ABCA8: variants seen among roughly 807,000 people sequenced by gnomAD.
ABCA8 encodes ATP binding cassette subfamily A member 8, also known as ABC-type organic anion transporter ABCA8.
ABCA8 carries 177 observed loss-of-function variants against 192.3 expected under a neutral mutation model. That is an observed-to-expected ratio of 0.92 (90% CI 0.81 to 1.04). The LOEUF is 1.04. Among genes scored for constraint, ABCA8 ranks in the 50% least tolerant of loss-of-function variants. ABCA8 has a pLI of 0.00. For synonymous variants in ABCA8, 642 were observed against 690.2 expected, an observed-to-expected ratio of 0.93 and a Z score of 1.09; for missense variants, 1,915 against 1,904.8, an observed-to-expected ratio of 1.01 and a Z score of -0.10.
chr17:68,927,263 GAAA>G (rs200891971), intron 10 of ABCA8, among the ~76,000 whole-genome samples: 2 of 150,480 alleles, frequency 1.3e-5, no homozygotes, highest in African/African-American at 2.4e-5. Context: ...GTCTCAAAAA[GAAA>G]AAAAAAGAAA....
chr17:68,948,212 T>G (rs1043984069), intron 2 of ABCA8, among the ~76,000 whole-genome samples: 1 of 152,182 alleles, frequency 6.6e-6, no homozygotes, highest in Non-Finnish European at 1.5e-5. Flanking sequence ...ACATTATGTG[T>G]GCAAGTGTCT....
At chr17:68,929,786 A>G (rs1445908965) in intron 7 of ABCA8, 84 bp from the exon 8 acceptor site, 4 of 1,160,394 alleles carry the variant, frequency 3.4e-6, no homozygotes, top group Non-Finnish European at 4.7e-6. Flanking sequence ...ATAACTCTTC[A>G]TTCACTTATT....
At chr17:68,898,186 C>A (rs549103459) in intron 21 of ABCA8, among the ~76,000 whole-genome samples, 2 of 152,024 alleles carry the variant, frequency 1.3e-5, no homozygotes, top group Admixed American at 1.3e-4. Context: ...ATTCAAAGTA[C>A]TGAAAAAAAT....
chr17:68,906,315 T>G (rs1380421905), intron 18 of ABCA8, 152 bp from the exon 19 acceptor site: 4 of 470,574 alleles, frequency 8.5e-6, no homozygotes, highest in Non-Finnish European at 1.4e-5. Context: ...ATCATCTTAT[T>G]CTGCAAATTC....
chr17:68,919,159 G>A, intron 14 of ABCA8, 142 bp downstream of exon 14: 2 of 722,334 alleles, frequency 2.8e-6, no homozygotes, highest in African/African-American at 1.8e-5. Flanking sequence ...TATATGCAAT[G>A]TTAGCTATTG....
intron 11 of ABCA8, among the ~76,000 whole-genome samples, chr17:68,923,752 T>A (rs1463510748): frequency 6.6e-6 from 1 of 152,160 alleles, no homozygotes. Flanking sequence ...CCTTAGAAGT[T>A]CAGCAACCTG....
At chr17:68,869,938 G>A (rs1377126765) in intron 37 of ABCA8, among the ~76,000 whole-genome samples, 159 bp from the exon 38 acceptor site, 1 of 152,056 alleles carries the variant, frequency 6.6e-6, no homozygotes, top group African/African-American at 2.4e-5. Flanking sequence ...GAACAATCCA[G>A]TACTGTTGAC....
At chr17:68,918,279 G>T (rs1278817290) in intron 15 of ABCA8, 94 bp from the exon 16 acceptor site, 8 of 1,527,866 alleles carry the variant, frequency 5.2e-6, no homozygotes, top group Non-Finnish European at 7.1e-6. Flanking sequence ...ATTTAACAGA[G>T]TATTACGGTT....
intron 37 of ABCA8, among the ~76,000 whole-genome samples, chr17:68,870,849 G>T (rs1168331847): frequency 6.6e-6 from 1 of 152,090 alleles, no homozygotes; most frequent in Non-Finnish European, 1.5e-5. Context: ...AGTTCTTTTG[G>T]ATACATACCC....
intron 37 of ABCA8, among the ~76,000 whole-genome samples, chr17:68,873,782 C>T (rs1209850305): frequency 6.6e-6 from 1 of 152,056 alleles, no homozygotes; most frequent in African/African-American, 2.4e-5. Flanking sequence ...TCCTGTTTTC[C>T]CAACACAATT....
intron 13 of ABCA8, 133 bp from the exon 14 acceptor site, chr17:68,919,609 T>G: frequency 2.7e-6 from 2 of 736,780 alleles, no homozygotes; most frequent in Non-Finnish European, 4.3e-6. Flanking sequence ...TCTACTTTAG[T>G]TGCATAGTAT....
intron 2 of ABCA8, among the ~76,000 whole-genome samples, chr17:68,943,369 G>C: frequency 6.6e-6 from 1 of 152,094 alleles, no homozygotes. Context: ...TATGTGTATA[G>C]ATATACTTTT....
rs878869412 is a variant in ABCA8, at chr17:68,936,942, T to A, written c.466+9A>T. 3.2e-6 allele frequency: 5 copies of A among 1,556,602 alleles called. No homozygotes were observed. In the South Asian group the frequency reaches 6.1e-5, roughly 19 times the overall value. ...AGAGAGTAGTGAAATTTTAGAGCCA[T>A]AAAATTACCTGTATGGTCCTTGTGC... On this transcript the variant is annotated intron_variant, in intron 5 of 39. Coordinates refer to ENST00000586539, the MANE Select transcript of ABCA8 (RefSeq NM_001288985.2).
chr17:68,937,403 CA>C (rs1285945486), intron 4 of ABCA8, among the ~76,000 whole-genome samples: 4 of 151,878 alleles, frequency 2.6e-5, no homozygotes, highest in African/African-American at 9.7e-5. Context: ...TTAAACTGTT[CA>C]AAAATAGTTA....
Position 68,869,675 on chromosome 17 carries a change from C to T in ABCA8, c.4711+25G>A, listed in dbSNP as rs759475070. The T allele has an allele frequency of 6.8e-6, 10 of 1,462,336 alleles. No homozygotes were observed. In the East Asian group the frequency reaches 9.1e-5, roughly 13 times the overall value. 90.6% of individuals were successfully genotyped at this position (1,462,336 alleles called of 1,614,324 possible). On this transcript the variant is annotated intron_variant, in intron 38 of 39. Coordinates refer to ENST00000586539, the MANE Select transcript of ABCA8 (RefSeq NM_001288985.2). ...TTTGAAATTATCTTCTTTCCAGGGT[C>T]GTACTTCAAAGTCATACTTCTTACC...
chr17:68,953,389 T>C (rs2068622264), intron 1 of ABCA8, among the ~76,000 whole-genome samples: 1 of 152,236 alleles, frequency 6.6e-6, no homozygotes, highest in African/African-American at 2.4e-5. Flanking sequence ...GAGCCCCAAC[T>C]GAAGCCATCA....
rs2066496054 is a variant in ABCA8 at position 68,887,499 on chromosome 17, G to C, written c.3152C>G (p.Ala1051Gly). The change falls in exon 25 of 40, where the codon GCT becomes GGT. Residue 1051 changes from alanine (A) to glycine (G), a missense_variant. By Grantham distance (60) the Ala-to-Gly change is moderately conservative. Transcript: ENST00000586539. The part of the protein sequence containing the change: ...MSSIDDYKNR[A>G]RSQLRISGLS... The stretch of plus-strand genomic sequence containing the variant: ...TCCGGAAATCCGTAGCTGGGACCGA[G>C]CTCTGTTCTAATTAGGAGACAGCAA... 2 of 1,607,116 alleles carry C rather than the reference G, an allele frequency of 1.2e-6. No individual in the cohort carries two copies. The highest frequency in any genetic ancestry group is 1.7e-4 in the Middle Eastern group (1 of 6,026).
At chr17:68,912,445 A>G (rs1252589398) in intron 17 of ABCA8, among the ~76,000 whole-genome samples, 2 of 152,152 alleles carry the variant, frequency 1.3e-5, no homozygotes, top group African/African-American at 4.8e-5. Context: ...TGCCTACAAG[A>G]TCTAAAAAAG....
At chr17:68,946,965 G>C (rs368137773) in intron 2 of ABCA8, among the ~76,000 whole-genome samples, 8 of 133,898 alleles carry the variant, frequency 6.0e-5, no homozygotes, top group Non-Finnish European at 1.2e-4. Context: ...GAGAGAGAGA[G>C]AGACAGAGAG....
Sources: gnomAD v4.1 joint callset for allele counts (sites outside exome capture counted in the v4.1 genomes callset) on GRCh38, gnomAD v4.1.1 for gene constraint, MANE v1.5 for transcripts, NCBI Gene and HGNC (gene_info 2026-07-23, HGNC 2026-07-21) for gene names.